The following CEP131 variants were observed in gnomAD, a reference collection of about 807,000 sequenced individuals.
CEP131 encodes the protein centrosomal protein of 131 kDa.
A neutral mutation model predicts 136.8 loss-of-function variants in CEP131; 99 were observed. That is an observed-to-expected ratio of 0.72 (90% CI 0.62 to 0.86). The LOEUF is 0.86. Among genes scored for constraint, CEP131 ranks in the 40% least tolerant of loss-of-function variants. The probability of loss-of-function intolerance (pLI) is 0.00; values close to 1 mark genes in which losing one functional copy is unlikely to be tolerated. For synonymous variants in CEP131, 646 were observed against 612.7 expected, an observed-to-expected ratio of 1.05 and a Z score of -0.80; for missense variants, 1,459 against 1,463.0, an observed-to-expected ratio of 1.00 and a Z score of 0.04.
rs745779864 is a variant in CEP131 at position 81,197,861 on chromosome 17, C to T, written c.1498G>A (p.Asp500Asn). The change falls in exon 13 of 26, where the codon GAC becomes AAC. Residue 500 changes from aspartate (D) to asparagine (N), a missense_variant. Physicochemically the swap from Asp to Asn is conservative, Grantham distance 23. This residue lies in a region of CEP131 where 1,026 missense variants were observed against 964.2 expected (regional missense o/e 1.06). Coordinates refer to ENST00000450824, the MANE Select transcript of CEP131 (RefSeq NM_014984.4). ...AGTTTTCCAAATTTCTCCAAGTTGT[C>T]AGCTGTCAGAGAGCTGGCGTCATCC... ...EEDDASSLTA[D>N]NLEKFGKLSA... The T allele has an allele frequency of 6.2e-7, 1 of 1,613,006 alleles. No homozygotes were observed. Among genetic ancestry groups the T allele is most frequent in the East Asian group, 2.2e-5 (1 of 44,886 alleles).
At position 81,207,247 on chromosome 17, in the gene CEP131, CGA is replaced by C. The variant is rs1567871750; in HGVS notation, c.273-10_273-9del. 6.2e-7 allele frequency: 1 copy of C among 1,611,652 alleles called. No individual in the cohort carries two copies. The highest frequency in any genetic ancestry group is 1.7e-5 in the Admixed American group (1 of 59,908). On this transcript the variant is annotated splice_polypyrimidine_tract_variant and intron_variant, in intron 3 of 25. Coordinates refer to ENST00000450824, the MANE Select transcript of CEP131 (RefSeq NM_014984.4). ...TCTGTGGGCTCCGTTGGCCTGCATC[CGA>C]GAGAGGGCGGCACACAAGGAAAGAG...
At chr17:81,220,651 C>T (rs1256224572) in intron 1 of CEP131, among the ~76,000 whole-genome samples, 6 of 152,098 alleles carry the variant, frequency 3.9e-5, no homozygotes, top group African/African-American at 9.6e-5. Flanking sequence ...CCCGCCACCA[C>T]GCCTGGCTAA....
intron 21 of CEP131, 103 bp from the exon 22 acceptor site, chr17:81,191,438 G>A (rs2061639856): frequency 9.4e-7 from 1 of 1,067,662 alleles, no homozygotes; most frequent in Non-Finnish European, 1.4e-6. Context: ...TGAGCCACAG[G>A]GGAGCAAGGG....
At position 81,195,934 on chromosome 17, in the gene CEP131, C is replaced by A. The variant is rs118151864; in HGVS notation, c.1917G>T (p.Lys639Asn). The change falls in exon 16 of 26, where the codon AAG (lysine) becomes AAT (asparagine). Residue 639 changes from lysine to asparagine, a missense_variant. By Grantham distance (94) the Lys-to-Asn change is moderately conservative. Transcript: ENST00000450824. ...CAGCCTCGCACTTTTCACTCAGGACCTTCTTGTCCTCAATCAGCTGTGTTG... is the reference window on the plus strand; with the variant it reads ...CAGCCTCGCACTTTTCACTCAGGACATTCTTGTCCTCAATCAGCTGTGTTG... ...AFIDQLIEDK[K>N]VLSEKCEAVV... 6.2e-6 allele frequency: 10 copies of A among 1,609,696 alleles called. No individual in the cohort carries two copies. The African/African-American group carries it at 1.1e-4, about 17-fold the overall frequency.
Position 81,192,598 on chromosome 17 carries a change from G to A in CEP131, c.2430-5C>T, listed in dbSNP as rs760386398. The A allele has an allele frequency of 5.0e-6, 8 of 1,603,954 alleles. No homozygotes were observed. The highest frequency in any genetic ancestry group is 2.2e-5 in the East Asian group (1 of 44,798). ...TCTTCCAGCTCCGCCCGCTGCCTGC[G>A]GCCAGGGAGGAGTCAGCAGGTGAGG... On this transcript the variant is annotated splice_polypyrimidine_tract_variant and splice_region_variant and intron_variant, in intron 19 of 25. Coordinates refer to ENST00000450824, the MANE Select transcript of CEP131 (RefSeq NM_014984.4).
Position 81,219,900 on chromosome 17 carries a change from C to G in CEP131, c.157G>C (p.Glu53Gln), listed in dbSNP as rs768774676. Residue 53 changes from glutamate (E) to glutamine (Q), a missense_variant, in exon 2 of 26, where the codon GAG (glutamate) becomes CAG (glutamine). This residue lies in a region of CEP131 where 187 missense variants were observed against 179.9 expected (regional missense o/e 1.04). Transcript: ENST00000450824. This position sits in a 1 kb window ranked among gnomAD's most constrained non-coding sequence, Gnocchi z 4.0. ...CTCACCAGCACCTTCCTCTTCTGCT[C>G]GCTGCCTGTGACCACGGAGACAGAG... ...VRSVSVVTGSEQKRKVLEATG... is the reference protein window; with the variant it reads ...VRSVSVVTGSQQKRKVLEATG... 6.2e-7 allele frequency: 1 copy of G among 1,608,834 alleles called. No individual in the cohort carries two copies. The highest frequency in any genetic ancestry group is 8.5e-7 in the Non-Finnish European group (1 of 1,177,608).
At chr17:81,198,362 G>A (rs1598283487) in intron 11 of CEP131, 65 bp from the exon 12 acceptor site, 1 of 1,476,162 alleles carries the variant, frequency 6.8e-7, no homozygotes, top group Non-Finnish European at 9.1e-7. Flanking sequence ...CCCCACATAG[G>A]AGGCCAACCG....
In CEP131 at chr17:81,197,597, TCCC is replaced by T. The variant is rs1432460135; in HGVS notation, c.1647+112_1647+114del. 9.0e-5 allele frequency: 128 copies of T among 1,420,522 alleles called. 2 individuals carry two copies. In the African/African-American group the frequency reaches 1.9e-3, roughly 21 times the overall value. The allele number at this position is 1,420,522 out of a possible 1,614,324, so 88.0% of individuals were successfully genotyped here. A position where few individuals can be genotyped will look rare whatever the true frequency, so the allele number is the denominator to read the frequency against. On this transcript the variant is annotated intron_variant, in intron 13 of 25. Coordinates refer to ENST00000450824, the MANE Select transcript of CEP131 (RefSeq NM_014984.4). ...GGGTGGGGGCTGGCGAGAGACCTCC[TCCC>T]CCTGGGGGCCAGGTGCGGGCTGGTG...
chr17:81,198,346 A>G (rs2061814925), intron 11 of CEP131, 49 bp from the exon 12 acceptor site: 1 of 1,518,382 alleles, frequency 6.6e-7, no homozygotes, highest in Admixed American at 2.0e-5. Context: ...GGTAGCTGAG[A>G]GCAGCCCCCA....
Position 81,197,843 on chromosome 17 carries a change from C to T in CEP131, c.1516G>A (p.Gly506Arg), listed in dbSNP as rs939022880. The change falls in exon 13 of 26, where the codon GGA becomes AGA. Residue 506 changes from glycine (G) to arginine (R), a missense_variant. Gly to Arg is a moderately radical substitution (Grantham distance 125, BLOSUM62 -2). Transcript: ENST00000450824. ...GGTTCGGGGAACGCACTGAGTTTTC[C>T]AAATTTCTCCAAGTTGTCAGCTGTC... ...SLTADNLEKF[G>R]KLSAFPEPPE... is the part of the protein sequence containing the mutation. 42 of 1,613,026 alleles carry T rather than the reference C, an allele frequency of 2.6e-5. No individual in the cohort carries two copies. The highest frequency in any genetic ancestry group is 1.6e-4 in the Middle Eastern group (1 of 6,078).
rs1218771160 is a variant in CEP131 at position 81,219,847 on chromosome 17, C to T, written c.177+33G>A. On this transcript the variant is annotated intron_variant, in intron 2 of 25. Transcript: ENST00000450824. The surrounding 1 kb of genome is among the most constrained non-coding windows in gnomAD (Gnocchi z 4.0). ...AACTGAACAACAGCCCTCCAGGAGG[C>T]AGGGGCCCGGACTCCTAGGCCACAG... 6.6e-7 allele frequency: 1 copy of T among 1,517,388 alleles called. No homozygotes were observed. The highest frequency in any genetic ancestry group is 8.9e-7 in the Non-Finnish European group (1 of 1,126,424). 94.0% of individuals were successfully genotyped at this position (1,517,388 alleles called of 1,614,324 possible). A position where few individuals can be genotyped will look rare whatever the true frequency, so the allele number is the denominator to read the frequency against.
intron 16 of CEP131, 146 bp downstream of exon 16, chr17:81,195,689 C>G: frequency 2.8e-6 from 2 of 717,010 alleles, no homozygotes; most frequent in Non-Finnish European, 4.7e-6. Context: ...GGTGCTCCCC[C>G]AGACAGCCCC....
Position 81,190,955 on chromosome 17 carries a change from C to A in CEP131, c.2895G>T (p.Leu965=). 3 of 1,605,528 alleles carry A rather than the reference C, an allele frequency of 1.9e-6. No homozygotes were observed. The highest frequency in any genetic ancestry group is 1.7e-4 in the Middle Eastern group (1 of 6,058). The change falls in exon 23 of 26, where the codon CTG becomes CTT. Residue 965 remains leucine, a synonymous_variant. Transcript: ENST00000450824. The stretch of plus-strand genomic sequence containing the variant: ...GCTCCTTCTGCCGCACAAGGCCCTG[C>A]AGACGCAGATTCTCGCCCTCGGCCT... ...LGEAEGENLR[L]QGLVRQKERA...
intron 8 of CEP131, chr17:81,200,066 G>A: frequency 1.6e-6 from 1 of 609,156 alleles, no homozygotes. Context: ...AGACAGCTCT[G>A]CCCCCACAGA....
At position 81,203,692 on chromosome 17, in the gene CEP131, G is replaced by T; in HGVS notation, c.516-85C>A. ...CAGAGCTACACTCGCAGCACGGGCT[G>T]GGAGGGAACAAAGGCCTTCAGTGCT... On this transcript the variant is annotated intron_variant, in intron 5 of 25. Coordinates refer to ENST00000450824, the MANE Select transcript of CEP131 (RefSeq NM_014984.4). This position sits in a 1 kb window ranked among gnomAD's most constrained non-coding sequence, Gnocchi z 4.6. The T allele has an allele frequency of 1.8e-6, 2 of 1,112,726 alleles. No homozygotes were observed. The highest frequency in any genetic ancestry group is 1.3e-6 in the Non-Finnish European group (1 of 771,660). 68.9% of individuals were successfully genotyped at this position (1,112,726 alleles called of 1,614,324 possible). A position where few individuals can be genotyped will look rare whatever the true frequency, so the allele number is the denominator to read the frequency against.
rs866432928 is a variant in CEP131 at position 81,199,453 on chromosome 17, G to A, written c.1120C>T (p.Arg374Trp). ...GGGGACAGCTCCTGAGCAGGCTGCC[G>A]CATTCCTGGCACTCTGGTCTCCCTG... ...NPRETRVPGM[R>W]QPAQELSPTP... The change falls in exon 10 of 26, where the codon CGG becomes TGG. Residue 374 changes from arginine to tryptophan, a missense_variant. This residue lies in a region of CEP131 where 1,026 missense variants were observed against 964.2 expected (regional missense o/e 1.06). Transcript: ENST00000450824. 1.7e-5 allele frequency: 27 copies of A among 1,607,656 alleles called. No individual in the cohort carries two copies. Among genetic ancestry groups the A allele is most frequent in the South Asian group, 8.9e-5 (8 of 90,016 alleles).
chr17:81,212,776 G>A (rs979330704), intron 2 of CEP131, among the ~76,000 whole-genome samples: 64 of 152,148 alleles, frequency 4.2e-4, no homozygotes, highest in African/African-American at 1.4e-3. Context: ...AGCGTCGGGG[G>A]GGCGAGAGGT....
At chr17:81,214,916 G>T (rs1206579636) in intron 2 of CEP131, among the ~76,000 whole-genome samples, 5 of 151,896 alleles carry the variant, frequency 3.3e-5, no homozygotes, top group Non-Finnish European at 5.9e-5. Context: ...GCGACTACAG[G>T]TGCCTGCCAC....
At position 81,191,092 on chromosome 17, in the gene CEP131, T is replaced by C. The variant is rs1323926464; in HGVS notation, c.2766-8A>G. ...TCCCGTAAGCGCTTGATGCTGGAGGTGGGGGGAGGGCAGGGTCACTCCAGC... is the reference window on the plus strand; with the variant it reads ...TCCCGTAAGCGCTTGATGCTGGAGGCGGGGGGAGGGCAGGGTCACTCCAGC... On this transcript the variant is annotated splice_polypyrimidine_tract_variant and splice_region_variant and intron_variant, in intron 22 of 25. Coordinates refer to ENST00000450824, the MANE Select transcript of CEP131 (RefSeq NM_014984.4). The C allele has an allele frequency of 2.5e-6, 4 of 1,598,942 alleles. No individual in the cohort carries two copies. Among genetic ancestry groups the C allele is most frequent in the South Asian group, 1.1e-5 (1 of 89,928 alleles).
Sources: allele counts gnomAD v4.1 joint callset (sites outside exome capture counted in the v4.1 genomes callset), GRCh38; gene constraint gnomAD v4.1.1; regional missense constraint gnomAD v4.1.1; non-coding constraint Gnocchi (gnomAD v3.1); transcripts MANE v1.5; gene names NCBI Gene and HGNC (gene_info 2026-07-23, HGNC 2026-07-21).